The following INO80D variants were observed in gnomAD, a reference collection of about 807,000 sequenced individuals.
The protein encoded by INO80D is INO80 complex subunit D.
A neutral mutation model predicts 87.6 loss-of-function variants in INO80D; 21 were observed. The observed-to-expected ratio is 0.24, with a 90% confidence interval of 0.17 to 0.35. The LOEUF is 0.35. Ranked by LOEUF, INO80D falls within the 10% of genes least tolerant of loss-of-function variation. The pLI, the probability that INO80D is intolerant of heterozygous loss-of-function variation, is 1.00. For synonymous variants in INO80D, 440 were observed against 491.0 expected (o/e 0.90, Z 1.37); for missense variants, 982 against 1,280.7 (o/e 0.77, Z 3.56).
chr2:206,055,225 C>T (rs776310857), intron 4 of INO80D, among the ~76,000 whole-genome samples: 4 of 151,994 alleles, frequency 2.6e-5, no homozygotes, highest in Non-Finnish European at 4.4e-5. Context: ...ATATTGCATT[C>T]GAGAATAAAT....
intron 4 of INO80D, among the ~76,000 whole-genome samples, chr2:206,052,193 T>A (rs929635499): frequency 6.6e-6 from 1 of 152,106 alleles, no homozygotes; most frequent in Non-Finnish European, 1.5e-5. Context: ...TTCATCATCA[T>A]TTTTTTGTTT....
At chr2:206,071,125 A>G (rs1383386534) in intron 1 of INO80D, among the ~76,000 whole-genome samples, 1 of 151,146 alleles carries the variant, frequency 6.6e-6, no homozygotes, top group African/African-American at 2.4e-5. Context: ...TGCTCAGGTA[A>G]TTTTAGTATT....
At chr2:206,076,116 T>C (rs534365573) in intron 1 of INO80D, among the ~76,000 whole-genome samples, 131 of 147,490 alleles carry the variant, frequency 8.9e-4, no homozygotes, top group African/African-American at 3.1e-3. Flanking sequence ...TACCAGAAGG[T>C]TGGGAGGCCA....
In INO80D at chr2:206,085,397, C is replaced by CTG. The variant is rs2105919728; in HGVS notation, c.-124+502_-124+503dup. On this transcript the variant is annotated intron_variant, in intron 1 of 10. Coordinates refer to ENST00000403263, the MANE Select transcript of INO80D (RefSeq NM_017759.5). This position sits in a 1 kb window ranked among gnomAD's most constrained non-coding sequence, Gnocchi z 4.5. ...ATTCCCCACTCCCCACTCCTAGGCC[C>CTG]TGACGCCCCTGTCCCGGCAGCCCGG... The CTG allele has an allele frequency of 6.6e-6, 1 of 152,162 alleles. No homozygotes were observed. The highest frequency in any genetic ancestry group is 1.5e-5 in the Non-Finnish European group (1 of 67,988). The allele number at this position is 152,162 out of a possible 1,614,324, so 9.4% of individuals were successfully genotyped here. A position where few individuals can be genotyped will look rare whatever the true frequency, so the allele number is the denominator to read the frequency against.
rs745702850 is a variant in INO80D at position 206,005,457 on chromosome 2, G to A, written c.1995C>T (p.Leu665=). The A allele has an allele frequency of 2.1e-5, 34 of 1,613,796 alleles. No individual in the cohort carries two copies. Among genetic ancestry groups the A allele is most frequent in the East Asian group, 8.9e-5 (4 of 44,896 alleles). Residue 665 remains leucine, a synonymous_variant, in exon 11 of 11, where the codon CTC becomes CTT. Coordinates refer to ENST00000403263, the MANE Select transcript of INO80D (RefSeq NM_017759.5). ...LERALQAVTS[L]ECLSTIGVLA... ...GGACCCCAATGGTACTCAGGCACTC[G>A]AGAGAAGTTACAGCCTGCAAGGCCC...
At chr2:206,018,419 T>G (rs1386403923) in intron 7 of INO80D, among the ~76,000 whole-genome samples, 1 of 152,170 alleles carries the variant, frequency 6.6e-6, no homozygotes, top group Non-Finnish European at 1.5e-5. Flanking sequence ...GCGTTGAGAT[T>G]ATAGGCATAA....
chr2:206,043,446 A>G (rs1467986569), intron 5 of INO80D, among the ~76,000 whole-genome samples: 1 of 149,426 alleles, frequency 6.7e-6, no homozygotes, highest in Non-Finnish European at 1.5e-5. Context: ...CTGGGATTAC[A>G]GGCGTGAACT....
chr2:206,025,386 A>G (rs2359122), intron 6 of INO80D, among the ~76,000 whole-genome samples: 108,282 of 150,432 alleles, frequency 0.72, 39,764 homozygotes, highest in South Asian at 0.84. Context: ...AAATTAGCCA[A>G]GCGTGGTGGC....
chr2:206,016,473 T>C (rs931184342), intron 8 of INO80D, among the ~76,000 whole-genome samples: 4 of 152,196 alleles, frequency 2.6e-5, no homozygotes, highest in African/African-American at 7.2e-5. Flanking sequence ...AGATGAGACT[T>C]TGGACTGTGG....
rs1020602663 is a variant in INO80D at position 206,003,343 on chromosome 2, A to G, written c.*1025T>C. 3 of 152,222 alleles carry G rather than the reference A, an allele frequency of 2.0e-5. No homozygotes were observed. Among genetic ancestry groups the G allele is most frequent in the Non-Finnish European group, 4.4e-5 (3 of 68,030 alleles). 9.4% of individuals were successfully genotyped at this position (152,222 alleles called of 1,614,324 possible). A position where few individuals can be genotyped will look rare whatever the true frequency, so the allele number is the denominator to read the frequency against. On this transcript the variant is annotated 3_prime_UTR_variant, in exon 11 of 11. Coordinates refer to ENST00000403263, the MANE Select transcript of INO80D (RefSeq NM_017759.5). ...TGACAGATCCCATCTTTTCAAATCT[A>G]TCTGACCTATCCTGCTTTTTCACAT...
Position 206,004,408 on chromosome 2 carries a change from C to G in INO80D, c.3044G>C (p.Ser1015Thr). Residue 1015 changes from serine (S) to threonine (T), a missense_variant, in exon 11 of 11, where the codon AGT becomes ACT. Physicochemically the swap from Ser to Thr is moderately conservative, Grantham distance 58 (BLOSUM62 1). Coordinates refer to ENST00000403263, the MANE Select transcript of INO80D (RefSeq NM_017759.5). This position sits in a 1 kb window ranked among gnomAD's most constrained non-coding sequence, Gnocchi z 4.9. ...AAAGGGAGAAGATGCATTATTGGTA[C>G]TTGTAGCTGTGGCACCTGTTACTGT... ...GFTVTGATAT[S>T]TNNASSPFPS... The G allele has an allele frequency of 6.2e-7, 1 of 1,602,658 alleles. No individual in the cohort carries two copies. The highest frequency in any genetic ancestry group is 8.5e-7 in the Non-Finnish European group (1 of 1,174,696).
Position 206,046,595 on chromosome 2 carries a change from C to T in INO80D, c.982G>A (p.Glu328Lys). 1 of 1,613,566 alleles carries T rather than the reference C, an allele frequency of 6.2e-7. No individual in the cohort carries two copies. The highest frequency in any genetic ancestry group is 8.5e-7 in the Non-Finnish European group (1 of 1,179,466). The change falls in exon 5 of 11, where the codon GAG (glutamate) becomes AAG (lysine). Residue 328 changes from glutamate to lysine, a missense_variant. By Grantham distance (56) the Glu-to-Lys change is moderately conservative. Transcript: ENST00000403263. ...GAGTCCTCTGGTTCCTCTCCGCTCTCTTCAGACCAGTCCAAACCTGGGTTA... is the reference window on the plus strand; with the variant it reads ...GAGTCCTCTGGTTCCTCTCCGCTCTTTTCAGACCAGTCCAAACCTGGGTTA... Reference protein sequence around the residue: ...FPHLGLDWSEESGEEPEDSEQ... With the variant: ...FPHLGLDWSEKSGEEPEDSEQ...
At position 206,004,251 on chromosome 2, in the gene INO80D, G is replaced by A. The variant is rs984376747; in HGVS notation, c.*117C>T. The A allele has an allele frequency of 3.8e-5, 35 of 921,586 alleles. No homozygotes were observed. The Middle Eastern group carries it at 7.3e-4, about 19-fold the overall frequency. The allele number at this position is 921,586 out of a possible 1,614,324, so 57.1% of individuals were successfully genotyped here. On this transcript the variant is annotated 3_prime_UTR_variant, in exon 11 of 11. Coordinates refer to ENST00000403263, the MANE Select transcript of INO80D (RefSeq NM_017759.5). This position sits in a 1 kb window ranked among gnomAD's most constrained non-coding sequence, Gnocchi z 4.9. The stretch of plus-strand genomic sequence containing the variant: ...CACTCATTGAACTGGGAAGGGGGGT[G>A]CCCCTCTGATCCCCATCTGTTATAT...
At chr2:206,050,496 GAAAAAAAAAAAAAA>G (rs3079265) in intron 4 of INO80D, among the ~76,000 whole-genome samples, 3,393 of 99,724 alleles carry the variant, frequency 0.034, 64 homozygotes, top group Middle Eastern at 0.067. Flanking sequence ...CGTCTCAAAA[GAAAAAAAAAAAAAA>G]AAAAAAAAAA....
intron 1 of INO80D, among the ~76,000 whole-genome samples, chr2:206,078,989 G>A (rs1690201942): frequency 6.6e-6 from 1 of 151,988 alleles, no homozygotes. Context: ...TTATAAATCT[G>A]TTTCCTCATG....
At chr2:206,042,773 C>T (rs1350615927) in intron 5 of INO80D, among the ~76,000 whole-genome samples, 2 of 151,430 alleles carry the variant, frequency 1.3e-5, no homozygotes, top group African/African-American at 4.9e-5. Context: ...CTCCTTGAAG[C>T]AAGGAGTTTG....
intron 10 of INO80D, 39 bp downstream of exon 10, chr2:206,007,245 T>G (rs1052036068): frequency 6.3e-6 from 10 of 1,581,210 alleles, no homozygotes; most frequent in Non-Finnish European, 8.6e-6. Context: ...TAAACTCATT[T>G]TTAAAACCAG....
chr2:206,056,987 T>C (rs1689543618), intron 3 of INO80D, 44 bp from the exon 4 acceptor site: 1 of 1,499,718 alleles, frequency 6.7e-7, no homozygotes, highest in Non-Finnish European at 8.9e-7. Context: ...ATGATACATA[T>C]TTTTTAAAAG....
intron 5 of INO80D, among the ~76,000 whole-genome samples, chr2:206,037,737 A>C (rs1382336506): frequency 6.6e-6 from 1 of 152,180 alleles, no homozygotes; most frequent in Non-Finnish European, 1.5e-5. Flanking sequence ...TATCTACTTA[A>C]AGGAAAGTAA....
Sources: allele counts gnomAD v4.1 joint callset (sites outside exome capture counted in the v4.1 genomes callset), GRCh38; gene constraint gnomAD v4.1.1; non-coding constraint Gnocchi (gnomAD v3.1); transcripts MANE v1.5; gene names NCBI Gene and HGNC (gene_info 2026-07-23, HGNC 2026-07-21).